ABCB4: variants seen among roughly 807,000 people sequenced by gnomAD.
ABCB4 encodes the protein phosphatidylcholine translocator ABCB4.
A neutral mutation model predicts 145.7 loss-of-function variants in ABCB4; 76 were observed. The ratio of observed to expected loss-of-function variants is 0.52; its 90% CI spans 0.43 to 0.63. The LOEUF (loss-of-function observed/expected upper bound fraction) is 0.63, where lower values mean the gene tolerates loss of function less well. ABCB4 is among the 30% of genes least tolerant of loss of function. The pLI is 0.00. For missense variants in ABCB4, 1,234 were observed against 1,553.1 expected, an observed-to-expected ratio of 0.79 and a Z score of 3.45; for synonymous variants, 517 against 566.8, an observed-to-expected ratio of 0.91 and a Z score of 1.25.
intron 3 of ABCB4, among the ~76,000 whole-genome samples, chr7:87,471,242 C>A (rs1813375920): frequency 6.6e-6 from 1 of 151,996 alleles, no homozygotes; most frequent in Non-Finnish European, 1.5e-5. Context: ...GGAGGGATAG[C>A]ATTAGGAGAT....
downstream of ABCB4, chr7:87,399,112 G>A (rs1584658329): frequency 1.2e-5 from 2 of 161,702 alleles, no homozygotes; most frequent in East Asian, 1.9e-4. Flanking sequence ...TGCCTTCTAT[G>A]TTCACCACAG....
At chr7:87,440,499 G>C (rs1810909239) in intron 12 of ABCB4, 97 bp from the exon 13 acceptor site, 1 of 1,037,676 alleles carries the variant, frequency 9.6e-7, no homozygotes, top group African/African-American at 1.6e-5. Context: ...TATTTAACTT[G>C]GTTCAGTGTT....
intron 4 of ABCB4, among the ~76,000 whole-genome samples, chr7:87,454,980 C>T (rs1302096947): frequency 6.7e-6 from 1 of 150,126 alleles, no homozygotes; most frequent in African/African-American, 2.5e-5. Context: ...ATAGAAAACA[C>T]AGGATTTAAG....
the ABCB4 span, among the ~76,000 whole-genome samples, chr7:87,386,518 C>T: frequency 6.6e-6 from 1 of 152,136 alleles, no homozygotes; most frequent in Non-Finnish European, 1.5e-5. Flanking sequence ...CTCCTTTCAT[C>T]TCTGAATTTA....
chr7:87,376,368 C>T, the ABCB4 span, among the ~76,000 whole-genome samples: 799 of 152,130 alleles, frequency 5.3e-3, 3 homozygotes, highest in African/African-American at 0.019. Context: ...AGAATTATGT[C>T]ACCCTTGTAA....
At chr7:87,430,090 T>C (rs1317358231) in intron 15 of ABCB4, among the ~76,000 whole-genome samples, 1 of 152,120 alleles carries the variant, frequency 6.6e-6, no homozygotes, top group Non-Finnish European at 1.5e-5. Flanking sequence ...AAACGAAGGC[T>C]CAGAAGAGTT....
At chr7:87,460,779 T>C (rs753032967) in intron 4 of ABCB4, among the ~76,000 whole-genome samples, 2 of 151,936 alleles carry the variant, frequency 1.3e-5, no homozygotes, top group Non-Finnish European at 1.5e-5. Context: ...GCTTCCCAAG[T>C]AGCTGGTGAT....
chr7:87,391,691 C>T, the ABCB4 span: 68 of 1,608,972 alleles, frequency 4.2e-5, no homozygotes, highest in Non-Finnish European at 3.4e-5. Context: ...GGTGCCAGTC[C>T]ATGCAGGATC....
downstream of ABCB4, chr7:87,398,175 G>T: frequency 5.4e-6 from 2 of 372,548 alleles, no homozygotes; most frequent in Non-Finnish European, 5.2e-6. Context: ...ACTGTAGCAT[G>T]AATTCATATT....
intron 25 of ABCB4, among the ~76,000 whole-genome samples, chr7:87,407,618 C>T (rs1199260023): frequency 2.6e-5 from 4 of 152,110 alleles, no homozygotes; most frequent in South Asian, 2.1e-4. Context: ...AGTCAAAGTT[C>T]GAGAGCCGAG....
intron 9 of ABCB4, among the ~76,000 whole-genome samples, chr7:87,445,555 GA>G (rs1811290036): frequency 6.6e-6 from 1 of 152,162 alleles, no homozygotes; most frequent in Non-Finnish European, 1.5e-5. Flanking sequence ...CTAGGAAAAT[GA>G]ATTGATATAA....
chr7:87,438,936 C>T (rs1225998028), intron 14 of ABCB4, among the ~76,000 whole-genome samples: 2 of 152,130 alleles, frequency 1.3e-5, no homozygotes, highest in Admixed American at 6.5e-5. Flanking sequence ...CCTTAAGGAA[C>T]TTGCACATAT....
At chr7:87,388,626 C>G in the ABCB4 span, among the ~76,000 whole-genome samples, 4 of 152,128 alleles carry the variant, frequency 2.6e-5, no homozygotes, top group African/African-American at 9.7e-5. Flanking sequence ...AAAATTAACT[C>G]AAGATGGATT....
At chr7:87,397,845 AT>A, downstream of ABCB4, among the ~76,000 whole-genome samples, 1 of 152,336 alleles carries the variant, frequency 6.6e-6, no homozygotes, top group Middle Eastern at 3.4e-3. Flanking sequence ...TTCCAGAAGC[AT>A]TACATTGCAC....
Position 87,449,978 on chromosome 7 carries a change from C to G in ABCB4, c.823G>C (p.Glu275Gln), listed in dbSNP as rs1462261623. Residue 275 changes from glutamate to glutamine, a missense_variant, in exon 8 of 28, where the codon GAG becomes CAG. Around this residue, in one of 7 missense-constraint regions of ABCB4, gnomAD observed 467 missense variants for 632.8 expected, o/e 0.74. Transcript: ENST00000649586. ...AAGAACCTTCCTGACCTTTCCAGCT[C>G]TTTGTTCTGGCCCCCGAAAGCTATC... ...TVIAFGGQNK[E>Q]LERYQKHLEN... is the part of the protein sequence containing the mutation. The G allele has an allele frequency of 6.2e-7, 1 of 1,614,044 alleles. No homozygotes were observed. Among genetic ancestry groups the G allele is most frequent in the African/African-American group, 1.3e-5 (1 of 74,932 alleles).
the ABCB4 span, among the ~76,000 whole-genome samples, chr7:87,389,481 G>GTT: frequency 6.6e-6 from 1 of 152,166 alleles, no homozygotes; most frequent in Non-Finnish European, 1.5e-5. Context: ...CAGGGACATG[G>GTT]ATGAAGCTGG....
chr7:87,445,194 CAG>C, intron 9 of ABCB4, among the ~76,000 whole-genome samples: 3 of 152,052 alleles, frequency 2.0e-5, no homozygotes, highest in Middle Eastern at 6.8e-3. Flanking sequence ...TGAATACATA[CAG>C]AGTTAAAAAG....
chr7:87,405,947 A>G, intron 26 of ABCB4: 1 of 371,958 alleles, frequency 2.7e-6, no homozygotes, highest in South Asian at 2.5e-5. Context: ...TATTCCTTAC[A>G]ATTACATGTA....
the ABCB4 span, chr7:87,377,245 G>T: frequency 3.2e-6 from 2 of 625,264 alleles, no homozygotes; most frequent in Non-Finnish European, 5.5e-6. Flanking sequence ...ATTAAATTTG[G>T]TTGACGTGAA....
Sources: allele counts gnomAD v4.1 joint callset (sites outside exome capture counted in the v4.1 genomes callset), GRCh38; gene constraint gnomAD v4.1.1; regional missense constraint gnomAD v4.1.1; transcripts MANE v1.5; gene names NCBI Gene and HGNC (gene_info 2026-07-23, HGNC 2026-07-21).